SPHKAP: variants seen among roughly 807,000 people sequenced by gnomAD.
SPHKAP encodes the protein A-kinase anchor protein SPHKAP.
A neutral mutation model predicts 137.5 loss-of-function variants in SPHKAP; 67 were observed. The ratio of observed to expected loss-of-function variants is 0.49; its 90% CI spans 0.40 to 0.60. SPHKAP has a LOEUF of 0.60. Ranked by LOEUF, SPHKAP falls within the 20% of genes least tolerant of loss-of-function variation. SPHKAP has a pLI of 0.00. For synonymous variants in SPHKAP, 813 were observed against 785.3 expected, an observed-to-expected ratio of 1.04 and a Z score of -0.59; for missense variants, 2,097 against 2,069.3, an observed-to-expected ratio of 1.01 and a Z score of -0.26.
intron 4 of SPHKAP, 51 bp from the exon 5 acceptor site, chr2:228,025,579 C>G: frequency 8.1e-6 from 13 of 1,601,608 alleles, no homozygotes; most frequent in Non-Finnish European, 1.1e-5. Context: ...TCACCAAATA[C>G]TACTCACAAA....
rs1487648700 is a variant in SPHKAP at position 228,087,441 on chromosome 2, A to T, written c.246+21391T>A. ...TAACCCATATGCAAGAAAAAATAGC[A>T]GGCAACAGAAGCTGACTGTGAGATG... On this transcript the variant is annotated intron_variant, in intron 3 of 11. Coordinates refer to ENST00000392056, the MANE Select transcript of SPHKAP (RefSeq NM_001142644.2). Among the ~76,000 whole-genome samples, 4 of 152,212 alleles carry T rather than the reference A, an allele frequency of 2.6e-5. No individual in the cohort carries two copies. In the East Asian group the frequency reaches 5.8e-4, roughly 22 times the overall value.
chr2:228,071,757 C>T (rs1007217486), intron 3 of SPHKAP, among the ~76,000 whole-genome samples: 2 of 151,890 alleles, frequency 1.3e-5, no homozygotes, highest in Non-Finnish European at 2.9e-5. Flanking sequence ...AGCTACAGAC[C>T]TCTATCTATG....
chr2:228,023,654 G>A (rs1360899431), intron 5 of SPHKAP, among the ~76,000 whole-genome samples: 1 of 152,092 alleles, frequency 6.6e-6, no homozygotes, highest in Non-Finnish European at 1.5e-5. Context: ...GCAAGGAGGT[G>A]CATTTTCCGA....
chr2:228,142,642 A>G (rs1699641284), intron 1 of SPHKAP, among the ~76,000 whole-genome samples: 2 of 152,148 alleles, frequency 1.3e-5, no homozygotes, highest in African/African-American at 4.8e-5. Context: ...AGTGGGAGCT[A>G]AATGACAAGA....
intron 3 of SPHKAP, among the ~76,000 whole-genome samples, chr2:228,044,470 C>T (rs773053409): frequency 5.3e-5 from 8 of 152,126 alleles, no homozygotes; most frequent in Non-Finnish European, 1.0e-4. Context: ...CATATGAAAA[C>T]TTTAGCCCAA....
rs764706146 is a variant in SPHKAP at position 228,018,925 on chromosome 2, C to A, written c.1929G>T (p.Met643Ile). 6.2e-6 allele frequency: 10 copies of A among 1,614,136 alleles called. No homozygotes were observed. The Admixed American group carries it at 1.5e-4, about 24-fold the overall frequency. ...AAGCAGTTTCCATGATTCTCCTGTT[C>A]ATGGAGTCCAGAAAGTCTCCAATGC... is the stretch of plus-strand genomic sequence containing the variant. Reference protein sequence around the residue: ...YSSIGDFLDSMNRRIMETASK... With the variant: ...YSSIGDFLDSINRRIMETASK... The change falls in exon 7 of 12, where the codon ATG (methionine) becomes ATT (isoleucine). Residue 643 changes from methionine to isoleucine, a missense_variant. Transcript: ENST00000392056.
At chr2:228,144,053 A>T (rs1362844502) in intron 1 of SPHKAP, among the ~76,000 whole-genome samples, 4 of 152,044 alleles carry the variant, frequency 2.6e-5, no homozygotes, top group Admixed American at 2.0e-4. Context: ...TCTGCTGGAA[A>T]TGCTCCGTGC....
intron 2 of SPHKAP, among the ~76,000 whole-genome samples, chr2:228,131,494 T>A (rs1420382239): frequency 6.6e-6 from 1 of 151,894 alleles, no homozygotes; most frequent in Non-Finnish European, 1.5e-5. Flanking sequence ...TTCTTTTTTT[T>A]TTTTATATCA....
intron 3 of SPHKAP, among the ~76,000 whole-genome samples, chr2:228,098,910 C>T (rs1034105909): frequency 2.6e-5 from 4 of 151,224 alleles, no homozygotes; most frequent in African/African-American, 4.9e-5. Flanking sequence ...TCTTTAAGTT[C>T]CTTATAGATT....
intron 3 of SPHKAP, among the ~76,000 whole-genome samples, chr2:228,031,340 G>C (rs930346388): frequency 1.3e-5 from 2 of 152,222 alleles, no homozygotes. Context: ...CCATTGCCCA[G>C]GCTTGATTAG....
intron 3 of SPHKAP, among the ~76,000 whole-genome samples, chr2:228,030,533 C>CA (rs1559356982): frequency 2.9e-4 from 13 of 45,600 alleles, no homozygotes; most frequent in East Asian, 5.8e-4. Context: ...AAAAAAAAAA[C>CA]AACAAAAAAC....
chr2:227,994,285 G>A (rs544759562), intron 8 of SPHKAP, among the ~76,000 whole-genome samples: 4 of 152,244 alleles, frequency 2.6e-5, no homozygotes, highest in Non-Finnish European at 4.4e-5. Context: ...ACCACAGATT[G>A]CATCATGTTC....
chr2:228,101,213 T>G (rs1574850202), intron 3 of SPHKAP, among the ~76,000 whole-genome samples: 1 of 152,164 alleles, frequency 6.6e-6, no homozygotes, highest in Non-Finnish European at 1.5e-5. Flanking sequence ...CTCCTTAGTC[T>G]TCCCCTTCCA....
chr2:228,094,886 G>C (rs1467861527), intron 3 of SPHKAP, among the ~76,000 whole-genome samples: 1 of 152,108 alleles, frequency 6.6e-6, no homozygotes. Flanking sequence ...TGAGGTTGCT[G>C]GGGTCTTTTT....
At chr2:227,983,536 G>C (rs1693086770) in intron 11 of SPHKAP, among the ~76,000 whole-genome samples, 1 of 152,158 alleles carries the variant, frequency 6.6e-6, no homozygotes, top group East Asian at 1.9e-4. Flanking sequence ...TCTCGTGCCT[G>C]CACATAGTAG....
chr2:228,130,632 A>G (rs1699219444), intron 2 of SPHKAP, among the ~76,000 whole-genome samples: 1 of 152,182 alleles, frequency 6.6e-6, no homozygotes, highest in African/African-American at 2.4e-5. Context: ...GCTAAAAGTT[A>G]TTTAGCCCTG....
intron 3 of SPHKAP, among the ~76,000 whole-genome samples, chr2:228,073,732 G>T (rs995904408): frequency 2.6e-5 from 4 of 152,144 alleles, no homozygotes; most frequent in Non-Finnish European, 5.9e-5. Flanking sequence ...CTGTTACATG[G>T]TCACTCCACT....
At chr2:228,039,630 T>C (rs1437094948) in intron 3 of SPHKAP, among the ~76,000 whole-genome samples, 2 of 152,128 alleles carry the variant, frequency 1.3e-5, no homozygotes, top group Non-Finnish European at 2.9e-5. Context: ...GACATGAAAA[T>C]CTAGTATTCA....
rs1036329983 is a variant in SPHKAP, at chr2:228,046,079, T to TAC, written c.247-18538_247-18537dup. Among the ~76,000 whole-genome samples the TAC allele has an allele frequency of 8.8e-4, 133 of 151,188 alleles. 2 individuals are homozygous for TAC. The highest frequency in any genetic ancestry group is 1.3e-3 in the Admixed American group (20 of 15,154). ...TTTTAACTGCCTTCATCCCACCCCC[T>TAC]ACACACACACACACATACGGTAATT... On this transcript the variant is annotated intron_variant, in intron 3 of 11. Transcript: ENST00000392056.
Sources: gnomAD v4.1 joint callset for allele counts (sites outside exome capture counted in the v4.1 genomes callset) on GRCh38, gnomAD v4.1.1 for gene constraint, MANE v1.5 for transcripts, NCBI Gene and HGNC (gene_info 2026-07-23, HGNC 2026-07-21) for gene names.